Variants in ULK4 observed in about 807,000 individuals in gnomAD.
ULK4 encodes the protein inactive serine/threonine-protein kinase ULK4.
In ULK4, 133 loss-of-function variants were observed where a neutral mutation model predicts 160.6. The ratio of observed to expected loss-of-function variants is 0.83; its 90% CI spans 0.72 to 0.96. The LOEUF (loss-of-function observed/expected upper bound fraction) is 0.96, where lower values mean the gene tolerates loss of function less well. Among genes scored for constraint, ULK4 ranks in the 40% least tolerant of loss-of-function variants. ULK4 has a pLI of 0.00. For synonymous variants in ULK4, 534 were observed against 539.8 expected, an observed-to-expected ratio of 0.99 and a Z score of 0.15; for missense variants, 1,580 against 1,499.5, an observed-to-expected ratio of 1.05 and a Z score of -0.89.
intron 17 of ULK4, chr3:41,854,898 CCCAAAT>C (rs1163597063): frequency 1.3e-5 from 2 of 149,740 alleles, no homozygotes; most frequent in African/African-American, 5.0e-5. Flanking sequence ...GGAGTCTTAG[CCCAAAT>C]CCATCTCACA....
intron 33 of ULK4, among the ~76,000 whole-genome samples, chr3:41,462,473 T>C (rs561775664): frequency 4.6e-5 from 7 of 152,194 alleles, no homozygotes; most frequent in Non-Finnish European, 8.8e-5. Flanking sequence ...AAGTACTCTA[T>C]AAAACCACAC....
chr3:41,649,751 T>C (rs1244186780), intron 30 of ULK4, among the ~76,000 whole-genome samples: 2 of 152,140 alleles, frequency 1.3e-5, no homozygotes, highest in Non-Finnish European at 2.9e-5. Flanking sequence ...ATGGATGGCA[T>C]GTTGATGGCA....
At chr3:41,301,471 G>A (rs2079795882) in intron 35 of ULK4, among the ~76,000 whole-genome samples, 1 of 152,060 alleles carries the variant, frequency 6.6e-6, no homozygotes, top group Admixed American at 6.5e-5. Context: ...ATGGTATATA[G>A]CCAGCTGAAA....
intron 36 of ULK4, among the ~76,000 whole-genome samples, chr3:41,248,995 ACTTCTGG>A (rs1279841513): frequency 6.6e-6 from 1 of 152,140 alleles, no homozygotes; most frequent in Non-Finnish European, 1.5e-5. Context: ...GTCCCTCTGA[ACTTCTGG>A]CTGAGGAAGG....
chr3:41,383,875 T>C (rs886331413), intron 35 of ULK4, among the ~76,000 whole-genome samples: 2 of 152,202 alleles, frequency 1.3e-5, no homozygotes, highest in African/African-American at 2.4e-5. Context: ...ATTATATCTG[T>C]TACCAAGAAT....
chr3:41,290,593 A>G (rs2079540912), intron 35 of ULK4, among the ~76,000 whole-genome samples: 1 of 151,934 alleles, frequency 6.6e-6, no homozygotes, highest in Non-Finnish European at 1.5e-5. Context: ...TTCCACTGGG[A>G]GGGGGTTCTG....
At chr3:41,817,008 A>G (rs552391857) in intron 19 of ULK4, among the ~76,000 whole-genome samples, 1 of 152,256 alleles carries the variant, frequency 6.6e-6, no homozygotes, top group East Asian at 1.9e-4. Flanking sequence ...GATGTGACAG[A>G]GGTGACACTG....
intron 30 of ULK4, among the ~76,000 whole-genome samples, chr3:41,649,981 T>A (rs1038135461): frequency 6.6e-6 from 1 of 152,108 alleles, no homozygotes; most frequent in Non-Finnish European, 1.5e-5. Flanking sequence ...CAGACAGACA[T>A]TGGGACTACC....
intron 35 of ULK4, among the ~76,000 whole-genome samples, chr3:41,378,480 T>C (rs1033519441): frequency 2.0e-5 from 3 of 151,884 alleles, no homozygotes; most frequent in Non-Finnish European, 4.4e-5. Flanking sequence ...ATGTCCTTTG[T>C]AGGGACACGG....
At chr3:41,947,162 C>T (rs1489177124) in intron 2 of ULK4, among the ~76,000 whole-genome samples, 3 of 152,056 alleles carry the variant, frequency 2.0e-5, no homozygotes, top group African/African-American at 7.2e-5. Context: ...CCCGTCTCTA[C>T]TAAAAATACA....
intron 17 of ULK4, among the ~76,000 whole-genome samples, chr3:41,847,508 T>A (rs1159871650): frequency 2.0e-5 from 3 of 152,244 alleles, no homozygotes; most frequent in Non-Finnish European, 4.4e-5. Context: ...CAATGGGAGA[T>A]ACAGTAGTAA....
At chr3:41,916,356 C>G (rs996835586) in intron 7 of ULK4, among the ~76,000 whole-genome samples, 1 of 152,180 alleles carries the variant, frequency 6.6e-6, no homozygotes, top group Admixed American at 6.6e-5. Context: ...TAAGGATCAC[C>G]AGCTTAACAA....
At chr3:41,539,246 C>T (rs1456441501) in intron 32 of ULK4, among the ~76,000 whole-genome samples, 1 of 152,064 alleles carries the variant, frequency 6.6e-6, no homozygotes, top group East Asian at 1.9e-4. Context: ...TTTAATATTG[C>T]CATTATAGCA....
intron 17 of ULK4, among the ~76,000 whole-genome samples, chr3:41,858,443 T>C (rs2042421011): frequency 6.6e-6 from 1 of 151,768 alleles, no homozygotes; most frequent in Non-Finnish European, 1.5e-5. Flanking sequence ...TGAGCCACCA[T>C]GCCCAGCCTC....
intron 34 of ULK4, among the ~76,000 whole-genome samples, chr3:41,441,559 G>A (rs1187730252): frequency 6.6e-6 from 1 of 151,882 alleles, no homozygotes; most frequent in Non-Finnish European, 1.5e-5. Flanking sequence ...ATAAATTTAT[G>A]TATACTTTAT....
intron 35 of ULK4, among the ~76,000 whole-genome samples, chr3:41,349,964 G>A (rs1386596): frequency 0.049 from 7,419 of 152,156 alleles, 429 homozygotes; most frequent in East Asian, 0.2. Context: ...CATTATTAAT[G>A]TGAATATAAA....
At chr3:41,335,545 T>G (rs1326219303) in intron 35 of ULK4, among the ~76,000 whole-genome samples, 1 of 152,126 alleles carries the variant, frequency 6.6e-6, no homozygotes, top group Non-Finnish European at 1.5e-5. Context: ...TTTTTCCCCT[T>G]GCAAAAACAT....
At chr3:41,611,105 C>G (rs1260629736) in intron 31 of ULK4, among the ~76,000 whole-genome samples, 1 of 152,240 alleles carries the variant, frequency 6.6e-6, no homozygotes, top group Non-Finnish European at 1.5e-5. Flanking sequence ...ATGGACTCTT[C>G]TGATGGCTCA....
chr3:41,878,265 A>G (rs1697383521), intron 17 of ULK4, among the ~76,000 whole-genome samples: 1 of 152,174 alleles, frequency 6.6e-6, no homozygotes, highest in Non-Finnish European at 1.5e-5. Context: ...GAGTAGGCTC[A>G]TGTCAAAGGG....
Sources: allele counts gnomAD v4.1 joint callset (sites outside exome capture counted in the v4.1 genomes callset), GRCh38; gene constraint gnomAD v4.1.1; transcripts MANE v1.5; gene names NCBI Gene and HGNC (gene_info 2026-07-23, HGNC 2026-07-21).